SLC20A2: variants seen among roughly 807,000 people sequenced by gnomAD.
SLC20A2 encodes sodium-dependent phosphate transporter 2.
SLC20A2 carries 30 observed loss-of-function variants against 61.0 expected under a neutral mutation model. The observed-to-expected ratio is 0.49, with a 90% CI of 0.37 to 0.67. SLC20A2 has a LOEUF of 0.67. SLC20A2 is among the 30% of genes least tolerant of loss of function. The pLI is 0.00. For synonymous variants in SLC20A2, 351 were observed against 353.3 expected (o/e 0.99, Z 0.07); for missense variants, 626 against 866.4 (o/e 0.72, Z 3.48).
At chr8:42,442,026 C>T (rs1394139790) in intron 6 of SLC20A2, among the ~76,000 whole-genome samples, 1 of 151,386 alleles carries the variant, frequency 6.6e-6, no homozygotes, top group Non-Finnish European at 1.5e-5. Flanking sequence ...CTCTGCCTCC[C>T]AGGTTCAAGC....
intron 1 of SLC20A2, among the ~76,000 whole-genome samples, chr8:42,540,648 GTTCAAT>G (rs1218477031): frequency 6.6e-6 from 1 of 152,212 alleles, no homozygotes; most frequent in African/African-American, 2.4e-5. Flanking sequence ...GTTAAGAAGT[GTTCAAT>G]GTAAGCTCTC....
intron 5 of SLC20A2, among the ~76,000 whole-genome samples, chr8:42,453,802 A>G (rs138965069): frequency 3.9e-4 from 60 of 152,298 alleles, no homozygotes; most frequent in Non-Finnish European, 7.5e-4. Flanking sequence ...GAATTTTTCC[A>G]TACAAAGATG....
intron 5 of SLC20A2, among the ~76,000 whole-genome samples, chr8:42,459,318 A>T (rs945825028): frequency 6.6e-6 from 1 of 152,158 alleles, no homozygotes; most frequent in African/African-American, 2.4e-5. Context: ...TTCAGCAAAG[A>T]AAATCATCAT....
Position 42,443,269 on chromosome 8 carries a change from A to T in SLC20A2, c.730+1377T>A, listed in dbSNP as rs1031754391. Among the ~76,000 whole-genome samples the T allele has an allele frequency of 6.8e-3, 65 of 9,506 alleles. 1 individual carries two copies. The highest frequency in any genetic ancestry group is 0.025 in the African/African-American group (35 of 1,406). 6.2% of individuals were successfully genotyped at this position (9,506 alleles called of 152,430 possible). Reference sequence around the variant, plus strand: ...TAATACAATTATTATTATAGGATATATATATATATATATATATATATATAT... The same window carrying T: ...TAATACAATTATTATTATAGGATATTTATATATATATATATATATATATAT... On this transcript the variant is annotated intron_variant, in intron 6 of 10. Coordinates refer to ENST00000520262, the MANE Select transcript of SLC20A2 (RefSeq NM_001257180.2).
At chr8:42,538,665 C>T (rs1484072908) in intron 1 of SLC20A2, among the ~76,000 whole-genome samples, 1 of 152,190 alleles carries the variant, frequency 6.6e-6, no homozygotes, top group Non-Finnish European at 1.5e-5. Context: ...GAAGTCCCTG[C>T]ATTCAGGGAG....
chr8:42,421,500 G>A (rs1317833528), intron 10 of SLC20A2, among the ~76,000 whole-genome samples: 1 of 152,154 alleles, frequency 6.6e-6, no homozygotes, highest in African/African-American at 2.4e-5. Context: ...AACTCTAGTA[G>A]TGTTTTAGAA....
chr8:42,457,294 C>T (rs1362822032), intron 5 of SLC20A2, among the ~76,000 whole-genome samples: 1 of 152,062 alleles, frequency 6.6e-6, no homozygotes, highest in Non-Finnish European at 1.5e-5. Context: ...CTTCCTGGTC[C>T]ATGAATTATA....
rs534565075 is a variant in SLC20A2 at position 42,506,559 on chromosome 8, T to G, written c.-264-33905A>C. The stretch of plus-strand genomic sequence containing the variant: ...GAGTGCGGATTAAAGGCTCCCTGTT[T>G]TTATAGCATGAAGCTTCTTCAAAAA... On this transcript the variant is annotated intron_variant, in intron 1 of 10. Transcript: ENST00000342228. Among the ~76,000 whole-genome samples the G allele has an allele frequency of 1.7e-4, 26 of 152,362 alleles. No homozygotes were observed. In the East Asian group the frequency reaches 5.0e-3, roughly 29 times the overall value.
At chr8:42,443,264 G>GTTTTTT (rs1187147221) in intron 6 of SLC20A2, among the ~76,000 whole-genome samples, 28 of 105,472 alleles carry the variant, frequency 2.7e-4, no homozygotes, top group African/African-American at 8.6e-4. Flanking sequence ...ATTATTATAG[G>GTTTTTT]ATATATATAT....
intron 8 of SLC20A2, among the ~76,000 whole-genome samples, chr8:42,434,953 T>G (rs1025327360): frequency 2.0e-5 from 3 of 152,108 alleles, no homozygotes; most frequent in African/African-American, 7.2e-5. Context: ...TGTGTGAATG[T>G]TAGAGAATGT....
At chr8:42,507,644 A>G (rs972096874) in intron 1 of SLC20A2, among the ~76,000 whole-genome samples, 1 of 152,224 alleles carries the variant, frequency 6.6e-6, no homozygotes, top group Non-Finnish European at 1.5e-5. Flanking sequence ...GAAACTCCCA[A>G]GCATTTGCAA....
chr8:42,457,692 G>A (rs928906100), intron 5 of SLC20A2, among the ~76,000 whole-genome samples: 2 of 151,996 alleles, frequency 1.3e-5, no homozygotes, highest in Non-Finnish European at 2.9e-5. Context: ...TCACCAGGTT[G>A]GCCAGGATGG....
intron 4 of SLC20A2, among the ~76,000 whole-genome samples, chr8:42,462,047 G>T (rs1806747361): frequency 6.6e-6 from 1 of 152,152 alleles, no homozygotes; most frequent in Admixed American, 6.5e-5. Context: ...ACTGTGGCCG[G>T]AGCTCAAAAG....
At chr8:42,529,036 G>A (rs752745483) in intron 1 of SLC20A2, among the ~76,000 whole-genome samples, 17 of 151,668 alleles carry the variant, frequency 1.1e-4, no homozygotes, top group Non-Finnish European at 1.8e-4. Flanking sequence ...GTGCAGTGGC[G>A]TGATCGTACC....
At chr8:42,434,893 T>G (rs1213008719) in intron 8 of SLC20A2, among the ~76,000 whole-genome samples, 1 of 151,876 alleles carries the variant, frequency 6.6e-6, no homozygotes, top group Non-Finnish European at 1.5e-5. Flanking sequence ...TGTGTGAGTG[T>G]GCGTGTGAGT....
At chr8:42,442,985 T>C (rs1052208997) in intron 6 of SLC20A2, among the ~76,000 whole-genome samples, 2 of 152,096 alleles carry the variant, frequency 1.3e-5, no homozygotes, top group African/African-American at 4.8e-5. Flanking sequence ...AATTCAAATA[T>C]GGGGAATTGG....
chr8:42,501,951 GA>G (rs1409838275), upstream of SLC20A2, among the ~76,000 whole-genome samples: 3 of 152,140 alleles, frequency 2.0e-5, no homozygotes, highest in Admixed American at 6.5e-5. Context: ...ATCAGAACAT[GA>G]AAAACTTTCT....
chr8:42,429,872 G>A (rs2130963132), intron 9 of SLC20A2, among the ~76,000 whole-genome samples, 192 bp downstream of exon 9: 1 of 152,272 alleles, frequency 6.6e-6, no homozygotes. Context: ...CTGTGGCTGG[G>A]GGCCGGGCAC....
rs1391262305 is a variant in SLC20A2, at chr8:42,438,063, C to CAAAAAAAAAAAAAAAAAAAAAA, written c.935-508_935-487dup. ...TATGGTTACCACTAAAAAAAAAAAC[C>CAAAAAAAAAAAAAAAAAAAAAA]AAAAAAAAAAAAAAAAAAAAAAAAA... On this transcript the variant is annotated intron_variant, in intron 7 of 10. Coordinates refer to ENST00000520262, the MANE Select transcript of SLC20A2 (RefSeq NM_001257180.2). Among the ~76,000 whole-genome samples the CAAAAAAAAAAAAAAAAAAAAAA allele has an allele frequency of 4.9e-4, 13 of 26,802 alleles. 2 individuals carry two copies. The highest frequency in any genetic ancestry group is 1.4e-3 in the Admixed American group (2 of 1,418). The allele number at this position is 26,802 out of a possible 152,430, so 17.6% of individuals were successfully genotyped here.
Sources: allele counts gnomAD v4.1 joint callset (sites outside exome capture counted in the v4.1 genomes callset), GRCh38; gene constraint gnomAD v4.1.1; transcripts MANE v1.5; gene names NCBI Gene and HGNC (gene_info 2026-07-23, HGNC 2026-07-21).